Variants in NECAB3 observed in about 807,000 individuals in gnomAD.
NECAB3 encodes the protein N-terminal EF-hand calcium binding protein 3.
In NECAB3, 38 loss-of-function variants were observed where a neutral mutation model predicts 57.2. That is an observed-to-expected ratio of 0.66 (90% CI 0.51 to 0.87). NECAB3 has a LOEUF of 0.87. Among genes scored for constraint, NECAB3 ranks in the 40% least tolerant of loss-of-function variants. NECAB3 has a pLI of 0.00. For missense variants in NECAB3, 474 were observed against 527.5 expected, an observed-to-expected ratio of 0.90 and a Z score of 0.99; for synonymous variants, 223 against 222.6, an observed-to-expected ratio of 1.00 and a Z score of -0.02.
rs753579982 is a variant in NECAB3, at chr20:33,669,461, C to A, written c.301G>T (p.Glu101Ter). 6.2e-7 allele frequency: 1 copy of A among 1,613,692 alleles called. No individual in the cohort carries two copies. Among genetic ancestry groups the A allele is most frequent in the Non-Finnish European group, 8.5e-7 (1 of 1,180,028 alleles). ...ETEKLCDYFS[E>*]HLGVYRPVLA... ...ACCGGCCGGTAGACACCCAGGTGCTCTGAGAAGTAGTCTGCAGGCAGAAGA... is the reference window on the plus strand; with the variant it reads ...ACCGGCCGGTAGACACCCAGGTGCTATGAGAAGTAGTCTGCAGGCAGAAGA... Residue 101 changes from glutamate to a stop codon, truncating the protein, a stop_gained, in exon 5 of 12, where the codon GAG becomes TAG. Coordinates refer to ENST00000246190, the MANE Select transcript of NECAB3 (RefSeq NM_031232.4). LOFTEE classifies it high-confidence loss of function.
chr20:33,659,371 GC>G, intron 8 of NECAB3, 125 bp downstream of exon 8: 1 of 793,900 alleles, frequency 1.3e-6, no homozygotes, highest in Non-Finnish European at 1.9e-6. Flanking sequence ...GCACCTGCTT[GC>G]CAGGCCTGGG....
intron 5 of NECAB3, chr20:33,663,662 G>A: frequency 1.3e-6 from 2 of 1,584,318 alleles, no homozygotes; most frequent in East Asian, 2.3e-5. Context: ...GCGGGCGAAG[G>A]TAGCGAGCGC....
chr20:33,661,069 G>A (rs1332233951), intron 5 of NECAB3, among the ~76,000 whole-genome samples: 1 of 152,154 alleles, frequency 6.6e-6, no homozygotes, highest in African/African-American at 2.4e-5. Context: ...TCAGTTCCTG[G>A]AGCTTCCATT....
intron 8 of NECAB3, 28 bp from the exon 9 acceptor site, chr20:33,658,862 G>C: frequency 1.3e-6 from 2 of 1,565,692 alleles, no homozygotes; most frequent in Non-Finnish European, 1.8e-6. Context: ...CGGTCAGCTG[G>C]TGCGGGGCCG....
intron 3 of NECAB3, chr20:33,670,364 A>G (rs1056947534): frequency 9.6e-6 from 3 of 312,580 alleles, no homozygotes; most frequent in Non-Finnish European, 1.8e-5. Context: ...GTGTTTATGC[A>G]CTGCATTCTC....
In NECAB3 at chr20:33,674,370, G is replaced by C. The variant is rs1023946305; in HGVS notation, c.-18C>G. On this transcript the variant is annotated 5_prime_UTR_variant, in exon 1 of 12. Transcript: ENST00000246190. ...CACGCCATGGCGCCGCCACCCGCTC[G>C]GGCTCGGCTGCGGTTGCTGCCGACC... 8.6e-7 allele frequency: 1 copy of C among 1,168,142 alleles called. No homozygotes were observed. The highest frequency in any genetic ancestry group is 1.1e-6 in the Non-Finnish European group (1 of 947,086). 72.4% of individuals were successfully genotyped at this position (1,168,142 alleles called of 1,614,324 possible).
At chr20:33,663,845 G>A in intron 5 of NECAB3, 7 of 1,405,656 alleles carry the variant, frequency 5.0e-6, no homozygotes, top group South Asian at 3.1e-5. Flanking sequence ...AAACGGTGCC[G>A]CTGCCCTCGC....
intron 5 of NECAB3, among the ~76,000 whole-genome samples, chr20:33,666,036 T>C (rs778465326): frequency 8.5e-5 from 13 of 152,136 alleles, no homozygotes; most frequent in Non-Finnish European, 1.5e-4. Flanking sequence ...TGAGCTGAGA[T>C]TGCAACGCTG....
intron 1 of NECAB3, among the ~76,000 whole-genome samples, chr20:33,672,832 C>T (rs1324501565): frequency 6.6e-6 from 1 of 152,202 alleles, no homozygotes; most frequent in Non-Finnish European, 1.5e-5. Context: ...TAGACCTGAG[C>T]CCCGAGCTCT....
At chr20:33,667,439 C>CG in intron 5 of NECAB3, 9 of 1,413,368 alleles carry the variant, frequency 6.4e-6, no homozygotes, top group Non-Finnish European at 7.3e-6. Context: ...GCGCCGCCCG[C>CG]GGGCCGCGAA....
rs1381518378 is a variant in NECAB3 at position 33,663,692 on chromosome 20, T to C, written c.388-3297A>G. On this transcript the variant is annotated intron_variant, in intron 5 of 11. Transcript: ENST00000246190. ...GAGCGCGAGCCGAGGATGCCGGTAC[T>C]GCTGCTGCTGCGGCGGCAAGAGGCG... is the stretch of plus-strand genomic sequence containing the variant. The C allele has an allele frequency of 3.2e-6, 5 of 1,574,298 alleles. No individual in the cohort carries two copies. In the East Asian group the frequency reaches 9.3e-5, roughly 29 times the overall value.
At chr20:33,669,756 A>G in intron 3 of NECAB3, 44 bp from the exon 4 acceptor site, 1 of 1,544,450 alleles carries the variant, frequency 6.5e-7, no homozygotes, top group African/African-American at 1.4e-5. Context: ...GGGCCTGGTA[A>G]ACTGGGACTA....
At position 33,669,412 on chromosome 20, in the gene NECAB3, T is replaced by C. The variant is rs1601173207; in HGVS notation, c.350A>G (p.Asn117Ser). ...ATCCATGGCAGCGAGCACTGCACGG[T>C]TCAGCGATTCCAATGCAGCCAGCAC... The part of the protein sequence containing the change: ...RPVLAALESL[N>S]RAVLAAMDAT... The change falls in exon 5 of 12, where the codon AAC becomes AGC. Residue 117 changes from asparagine (N) to serine (S), a missense_variant. Physicochemically the swap from Asn to Ser is conservative, Grantham distance 46. Coordinates refer to ENST00000246190, the MANE Select transcript of NECAB3 (RefSeq NM_031232.4). 1 of 1,613,558 alleles carries C rather than the reference T, an allele frequency of 6.2e-7. No individual in the cohort carries two copies. The highest frequency in any genetic ancestry group is 2.2e-5 in the East Asian group (1 of 44,878).
chr20:33,665,176 G>A (rs1015363408), intron 5 of NECAB3: 2 of 152,186 alleles, frequency 1.3e-5, no homozygotes, highest in African/African-American at 2.4e-5. Context: ...CCAGCCTTCA[G>A]AATAAAAACA....
chr20:33,667,367 T>TGGTGGGCGGCCTGCG, intron 5 of NECAB3: 15 of 1,205,458 alleles, frequency 1.2e-5, no homozygotes, highest in Non-Finnish European at 1.6e-5. Flanking sequence ...GAGCGCCTGC[T>TGGTGGGCGGCCTGCG]GGTGGGCGGC....
intron 5 of NECAB3, among the ~76,000 whole-genome samples, chr20:33,663,108 G>A (rs1311821641): frequency 6.6e-6 from 1 of 152,220 alleles, no homozygotes; most frequent in Non-Finnish European, 1.5e-5. Context: ...ACTGGAGCTA[G>A]AGGCAGGGGG....
chr20:33,668,531 A>G (rs1048276340), intron 5 of NECAB3: 36 of 346,120 alleles, frequency 1.0e-4, no homozygotes, highest in African/African-American at 1.5e-4. Context: ...TGCCACAGAT[A>G]TGGGAGTTCC....
chr20:33,667,188 G>A (rs1601167464), intron 5 of NECAB3: 2 of 283,762 alleles, frequency 7.0e-6, no homozygotes, highest in East Asian at 5.8e-5. Flanking sequence ...CGGGCTTCGC[G>A]GGCGAGAACC....
chr20:33,659,640 C>G lies in NECAB3; in HGVS notation c.736G>C (p.Gly246Arg). The G allele has an allele frequency of 1.9e-6, 3 of 1,610,760 alleles. No homozygotes were observed. The highest frequency in any genetic ancestry group is 2.5e-6 in the Non-Finnish European group (3 of 1,179,266). The change falls in exon 8 of 12, where the codon GGG (glycine) becomes CGG (arginine). Residue 246 changes from glycine (G) to arginine (R), a missense_variant. Gly to Arg is a moderately radical substitution (Grantham distance 125). Transcript: ENST00000246190. ...DQLECKVRAV[G>R]PGPHKGGPSW... The stretch of plus-strand genomic sequence containing the variant: ...GGTCCTCCCTTGTGGGGCCCTGGCC[C>G]CACGGCCCTCACCTTGCACTCGAGC...
Sources: gnomAD v4.1 joint callset for allele counts (sites outside exome capture counted in the v4.1 genomes callset) on GRCh38, gnomAD v4.1.1 for gene constraint, MANE v1.5 for transcripts, NCBI Gene and HGNC (gene_info 2026-07-23, HGNC 2026-07-21) for gene names.